NLRP11: variants seen among roughly 807,000 people sequenced by gnomAD.
NLRP11 encodes the protein NLR family pyrin domain containing 11, also known as NACHT, LRR and PYD domains-containing protein 11.
NLRP11 carries 53 observed loss-of-function variants against 79.3 expected under a neutral mutation model. That is an observed-to-expected ratio of 0.67 (90% CI 0.54 to 0.84). The LOEUF (loss-of-function observed/expected upper bound fraction) is 0.84. Among genes scored for constraint, NLRP11 ranks in the 40% least tolerant of loss-of-function variants. The pLI is 0.00. For missense variants in NLRP11, 1,264 were observed against 1,255.0 expected (o/e 1.01, Z -0.11); for synonymous variants, 518 against 462.6 (o/e 1.12, Z -1.54).
rs532970797 is a variant in NLRP11, at chr19:55,795,774, C to T, written c.2342+306G>A. Among the ~76,000 whole-genome samples the T allele has an allele frequency of 3.3e-5, 5 of 152,242 alleles. No homozygotes were observed. The South Asian group carries it at 1.0e-3, about 32-fold the overall frequency. ...AAGTACTGGAATTACAGGCGTGAGCCACCGCGTCCGGCCGTGACCACCATT... is the reference window on the plus strand; with the variant it reads ...AAGTACTGGAATTACAGGCGTGAGCTACCGCGTCCGGCCGTGACCACCATT... On this transcript the variant is annotated intron_variant, in intron 6 of 9. Coordinates refer to ENST00000589093, the Ensembl canonical transcript of NLRP11.
intron 8 of NLRP11, 31 bp from the exon 9 acceptor site, chr19:55,789,008 C>T (rs762072142): frequency 6.2e-7 from 1 of 1,611,032 alleles, no homozygotes; most frequent in Non-Finnish European, 8.5e-7. Flanking sequence ...TAAGGTGGGG[C>T]CAAATCCTTG....
intron 4 of NLRP11, among the ~76,000 whole-genome samples, chr19:55,804,568 G>T (rs1428634568): frequency 1.3e-5 from 2 of 152,078 alleles, no homozygotes; most frequent in Non-Finnish European, 2.9e-5. Flanking sequence ...AGAACTCATG[G>T]ACCTGAAGAG....
At chr19:55,836,052 A>T (rs1983238997), upstream of NLRP11, among the ~76,000 whole-genome samples, 1 of 152,190 alleles carries the variant, frequency 6.6e-6, no homozygotes, top group Admixed American at 6.5e-5. Flanking sequence ...TGAACCCGGG[A>T]GGTGGAGGTT....
At chr19:55,836,116 C>T (rs1011598007), upstream of NLRP11, among the ~76,000 whole-genome samples, 10 of 152,194 alleles carry the variant, frequency 6.6e-5, no homozygotes, top group East Asian at 7.7e-4. Flanking sequence ...CGAGTGAGAC[C>T]GTATCTAATA....
In NLRP11 at chr19:55,809,611, C is replaced by G. The variant is rs373613242; in HGVS notation, c.999G>C (p.Val333=). ...ATAAGATGGCGACTCGGCACAGACC[C>G]ACGAGTATTTCATCCTCATGTACAA... Residue 333 remains valine (V), a synonymous_variant, in exon 3 of 10, where the codon GTG becomes GTC. Transcript: ENST00000589093. This position sits in a 1 kb window ranked among gnomAD's most constrained non-coding sequence, Gnocchi z 4.5. 1.2e-6 allele frequency: 2 copies of G among 1,614,062 alleles called. No homozygotes were observed. The highest frequency in any genetic ancestry group is 1.7e-6 in the Non-Finnish European group (2 of 1,180,038).
At chr19:55,822,851 T>C (rs575243458) in intron 1 of NLRP11, among the ~76,000 whole-genome samples, 1 of 152,250 alleles carries the variant, frequency 6.6e-6, no homozygotes, top group East Asian at 1.9e-4. Flanking sequence ...CGCCCGCCAT[T>C]GCCCAGGCTT....
chr19:55,816,341 A>AAT (rs984690641), intron 2 of NLRP11, among the ~76,000 whole-genome samples: 5 of 152,256 alleles, frequency 3.3e-5, no homozygotes, highest in Admixed American at 1.3e-4. Flanking sequence ...GACAACTGTA[A>AAT]ATATATATGC....
At chr19:55,823,155 T>A (rs566957552) in intron 1 of NLRP11, among the ~76,000 whole-genome samples, 148 of 146,374 alleles carry the variant, frequency 1.0e-3, no homozygotes, top group Admixed American at 3.5e-3. Context: ...AGGAGCACAC[T>A]GACACCTCAC....
At chr19:55,831,293 A>G (rs559723148) in intron 1 of NLRP11, among the ~76,000 whole-genome samples, 1 of 151,704 alleles carries the variant, frequency 6.6e-6, no homozygotes, top group East Asian at 1.9e-4. Context: ...CGGGTGCAGG[A>G]GCTCACGCCT....
chr19:55,799,152 A>G (rs1183674128), intron 5 of NLRP11, among the ~76,000 whole-genome samples: 2 of 152,116 alleles, frequency 1.3e-5, no homozygotes, highest in Non-Finnish European at 2.9e-5. Flanking sequence ...CTGTGGTCCC[A>G]GCTACTTGGG....
chr19:55,815,308 C>A (rs908621916), intron 2 of NLRP11, among the ~76,000 whole-genome samples: 2 of 152,070 alleles, frequency 1.3e-5, no homozygotes, highest in Non-Finnish European at 2.9e-5. Flanking sequence ...GCGGGCGGAT[C>A]ACCTGAGGTC....
chr19:55,798,462 G>T, intron 5 of NLRP11: 4 of 305,844 alleles, frequency 1.3e-5, no homozygotes, highest in Non-Finnish European at 1.9e-5. Context: ...TAAATGATGA[G>T]AACACATGGA....
intron 1 of NLRP11, among the ~76,000 whole-genome samples, chr19:55,823,293 T>TA (rs1438561262): frequency 4.5e-5 from 6 of 134,204 alleles, no homozygotes; most frequent in Non-Finnish European, 7.8e-5. Flanking sequence ...CAAAAGTAGA[T>TA]AAAACCACAA....
chr19:55,788,672 T>A, intron 9 of NLRP11, 135 bp downstream of exon 9: 2 of 604,974 alleles, frequency 3.3e-6, no homozygotes, highest in East Asian at 3.0e-5. Flanking sequence ...GCTGGGAGGC[T>A]GATGTTGCAA....
At chr19:55,807,302 C>T (rs1208001579) in intron 4 of NLRP11, among the ~76,000 whole-genome samples, 4 of 152,100 alleles carry the variant, frequency 2.6e-5, no homozygotes, top group South Asian at 4.1e-4. Context: ...CAGATAAATA[C>T]TAATTTTCCC....
chr19:55,789,050 T>C, intron 8 of NLRP11, 73 bp from the exon 9 acceptor site: 9 of 1,537,630 alleles, frequency 5.9e-6, no homozygotes. Flanking sequence ...GGGTGAGAAC[T>C]GGACATCTAC....
chr19:55,831,541 G>A (rs753159683), intron 1 of NLRP11, among the ~76,000 whole-genome samples: 34 of 152,188 alleles, frequency 2.2e-4, no homozygotes, highest in South Asian at 6.2e-4. Context: ...CAGCCTTGGC[G>A]ACAGAGCGAG....
intron 6 of NLRP11, among the ~76,000 whole-genome samples, chr19:55,794,817 G>A (rs1447867698): frequency 1.3e-5 from 2 of 151,974 alleles, no homozygotes; most frequent in East Asian, 3.8e-4. Context: ...ATGAACAGGA[G>A]TTTCTGGTGT....
chr19:55,808,136 A>T, intron 3 of NLRP11, 122 bp from the exon 4 acceptor site: 1 of 608,100 alleles, frequency 1.6e-6, no homozygotes, highest in Non-Finnish European at 2.8e-6. Flanking sequence ...AATACCATGC[A>T]GCAAGAAATA....
Sources: gnomAD v4.1 joint callset for allele counts (sites outside exome capture counted in the v4.1 genomes callset) on GRCh38, gnomAD v4.1.1 for gene constraint, Gnocchi (gnomAD v3.1) non-coding constraint, MANE v1.5 for transcripts, NCBI Gene and HGNC (gene_info 2026-07-23, HGNC 2026-07-21) for gene names.